The following GLIS3 variants were observed in gnomAD, a reference collection of about 807,000 sequenced individuals.
The protein encoded by GLIS3 is zinc finger protein GLIS3.
A neutral mutation model predicts 78.6 loss-of-function variants in GLIS3; 53 were observed. That is an observed-to-expected ratio of 0.67 (90% CI 0.54 to 0.85). The LOEUF is 0.85. Among genes scored for constraint, GLIS3 ranks in the 40% least tolerant of loss-of-function variants. The probability of loss-of-function intolerance (pLI) is 0.00; values close to 1 mark genes in which losing one functional copy is unlikely to be tolerated. For synonymous variants in GLIS3, 684 were observed against 509.9 expected (o/e 1.34, Z -4.60); for missense variants, 1,703 against 1,231.1 (o/e 1.38, Z -5.74).
At chr9:4,389,583 T>C in the GLIS3 span, among the ~76,000 whole-genome samples, 11 of 152,260 alleles carry the variant, frequency 7.2e-5, no homozygotes, top group African/African-American at 2.6e-4. Context: ...AATAGAAGAA[T>C]CTAAATCAAA....
chr9:4,268,541 CT>C (rs1418878265), intron 2 of GLIS3, among the ~76,000 whole-genome samples: 1 of 152,132 alleles, frequency 6.6e-6, no homozygotes, highest in Non-Finnish European at 1.5e-5. Context: ...GTTTAGTGTA[CT>C]TTGCCTAGAC....
rs542901322 is a variant in GLIS3, at chr9:3,941,297, C to G, written c.1711-4108G>C. On this transcript the variant is annotated intron_variant, in intron 4 of 10. Coordinates refer to ENST00000381971, the MANE Select transcript of GLIS3 (RefSeq NM_001042413.2). Reference sequence around the variant, plus strand: ...CCATTCCACAGCAGGGCAAAAAGGACAAAATCTCAGACTCTCCATCTCTTA... The same window carrying G: ...CCATTCCACAGCAGGGCAAAAAGGAGAAAATCTCAGACTCTCCATCTCTTA... 3.9e-5 allele frequency among the ~76,000 whole-genome samples: 6 copies of G among 152,308 alleles called. No homozygotes were observed. In the South Asian group the frequency reaches 1.2e-3, roughly 32 times the overall value.
chr9:4,409,611 T>A, the GLIS3 span, among the ~76,000 whole-genome samples: 1 of 152,104 alleles, frequency 6.6e-6, no homozygotes, highest in Non-Finnish European at 1.5e-5. Context: ...TAAACAAAGA[T>A]AATTAGAGAA....
chr9:3,967,032 A>C (rs918143849), intron 4 of GLIS3, among the ~76,000 whole-genome samples: 2 of 136,680 alleles, frequency 1.5e-5, no homozygotes, highest in African/African-American at 6.2e-5. Flanking sequence ...AAAAAAAAAA[A>C]ACAAAAAAAC....
chr9:4,308,226 G>C (rs1817278750), intron 4 of GLIS3, among the ~76,000 whole-genome samples: 1 of 152,058 alleles, frequency 6.6e-6, no homozygotes, highest in South Asian at 2.1e-4. Context: ...ACTGTGAAGT[G>C]AAAGGACCCA....
At chr9:4,103,512 A>C (rs1340060326) in intron 4 of GLIS3, among the ~76,000 whole-genome samples, 1 of 152,172 alleles carries the variant, frequency 6.6e-6, no homozygotes, top group Non-Finnish European at 1.5e-5. Context: ...CACTGTTGGA[A>C]AGACAGAAAA....
intron 7 of GLIS3, among the ~76,000 whole-genome samples, chr9:3,890,437 G>A (rs1376086046): frequency 6.6e-6 from 1 of 152,108 alleles, no homozygotes; most frequent in Non-Finnish European, 1.5e-5. Context: ...GATAGAAGGG[G>A]TTCTATTCAC....
At chr9:4,150,684 C>G (rs769616271) in intron 2 of GLIS3, among the ~76,000 whole-genome samples, 2 of 152,150 alleles carry the variant, frequency 1.3e-5, no homozygotes, top group Non-Finnish European at 2.9e-5. Context: ...ATCTCTGCCC[C>G]CACCATGCTT....
At chr9:4,213,129 C>G (rs1031861236) in intron 2 of GLIS3, among the ~76,000 whole-genome samples, 2 of 152,128 alleles carry the variant, frequency 1.3e-5, no homozygotes, top group African/African-American at 4.8e-5. Context: ...TATAAAATAC[C>G]AGGGCCTCCT....
At chr9:4,032,924 G>A (rs1235883544) in intron 4 of GLIS3, among the ~76,000 whole-genome samples, 2 of 151,564 alleles carry the variant, frequency 1.3e-5, no homozygotes, top group African/African-American at 2.4e-5. Flanking sequence ...CGCAATCTCG[G>A]CTCACTGCAA....
chr9:4,117,693 G>C, intron 4 of GLIS3, 75 bp downstream of exon 4: 4 of 1,571,466 alleles, frequency 2.5e-6, no homozygotes, highest in Middle Eastern at 1.7e-4. Flanking sequence ...CATGGGCCGA[G>C]TTAGGAAAAA....
chr9:4,329,513 C>T (rs1223375678), intron 2 of GLIS3, among the ~76,000 whole-genome samples: 1 of 152,098 alleles, frequency 6.6e-6, no homozygotes, highest in African/African-American at 2.4e-5. Flanking sequence ...CACCATAACC[C>T]CACCTACCTC....
intron 4 of GLIS3, among the ~76,000 whole-genome samples, chr9:4,043,894 C>T (rs76643669): frequency 1.3e-5 from 2 of 152,190 alleles, no homozygotes; most frequent in Non-Finnish European, 2.9e-5. Flanking sequence ...GGGTTGGGGG[C>T]TCCCAGATAT....
At chr9:4,283,441 T>C (rs1359326147) in intron 2 of GLIS3, among the ~76,000 whole-genome samples, 1 of 152,074 alleles carries the variant, frequency 6.6e-6, no homozygotes, top group Non-Finnish European at 1.5e-5. Flanking sequence ...CATTTTTGTA[T>C]TTTTAGCAGA....
intron 2 of GLIS3, among the ~76,000 whole-genome samples, chr9:4,272,459 T>TA (rs1370524228): frequency 6.6e-6 from 1 of 151,984 alleles, no homozygotes; most frequent in Non-Finnish European, 1.5e-5. Context: ...TAACATGGGG[T>TA]AAAAAATACC....
intron 4 of GLIS3, among the ~76,000 whole-genome samples, chr9:4,067,766 A>T (rs1018146945): frequency 6.6e-6 from 1 of 150,640 alleles, no homozygotes; most frequent in Non-Finnish European, 1.5e-5. Context: ...CAAATTAATA[A>T]TATCTCATTT....
At chr9:4,343,598 A>G (rs373032743) in intron 2 of GLIS3, among the ~76,000 whole-genome samples, 1 of 152,352 alleles carries the variant, frequency 6.6e-6, no homozygotes, top group African/African-American at 2.4e-5. Flanking sequence ...ATTCTACCAT[A>G]AAGACACATG....
chr9:3,853,878 A>C (rs1396010054), intron 9 of GLIS3, among the ~76,000 whole-genome samples: 1 of 152,232 alleles, frequency 6.6e-6, no homozygotes, highest in South Asian at 2.1e-4. Context: ...AGTTGTAATC[A>C]AAATGTGTTA....
rs530333434 is a variant in GLIS3 at position 4,047,018 on chromosome 9, T to C, written c.1710+70750A>G. Among the ~76,000 whole-genome samples, 18 of 152,274 alleles carry C rather than the reference T, an allele frequency of 1.2e-4. No individual in the cohort carries two copies. The South Asian group carries it at 2.9e-3, about 25-fold the overall frequency. ...TAGACTTCAAAATGGGTTGCTGAGT[T>C]GGTGATATTGTTTGGCTCTATGTCC... On this transcript the variant is annotated intron_variant, in intron 4 of 10. Transcript: ENST00000381971.
Sources: allele counts gnomAD v4.1 joint callset (sites outside exome capture counted in the v4.1 genomes callset), GRCh38; gene constraint gnomAD v4.1.1; transcripts MANE v1.5; gene names NCBI Gene and HGNC (gene_info 2026-07-23, HGNC 2026-07-21).